Variants in PTPRD observed in about 807,000 individuals in gnomAD.
PTPRD encodes the protein protein tyrosine phosphatase receptor type D.
PTPRD carries 34 observed loss-of-function variants against 214.5 expected under a neutral mutation model. The observed-to-expected ratio is 0.16, with a 90% CI of 0.12 to 0.21. The LOEUF is 0.21. Ranked by LOEUF, PTPRD falls within the 10% of genes least tolerant of loss-of-function variation. PTPRD has a pLI of 1.00. For missense variants in PTPRD, 2,545 were observed against 2,398.7 expected, an observed-to-expected ratio of 1.06 and a Z score of -1.27; for synonymous variants, 1,128 against 845.7, an observed-to-expected ratio of 1.33 and a Z score of -5.79.
At chr9:8,882,764 A>C (rs1587297771) in intron 11 of PTPRD, among the ~76,000 whole-genome samples, 1 of 151,884 alleles carries the variant, frequency 6.6e-6, no homozygotes, top group Admixed American at 6.6e-5. Context: ...GGGTGCCTGC[A>C]GTCTCAACTA....
intron 14 of PTPRD, among the ~76,000 whole-genome samples, chr9:8,549,524 T>G (rs1593415655): frequency 1.3e-5 from 2 of 152,198 alleles, no homozygotes; most frequent in African/African-American, 4.8e-5. Flanking sequence ...CACAGTAACA[T>G]TTTTGCATAT....
chr9:10,132,679 A>G (rs2098904812), intron 3 of PTPRD, among the ~76,000 whole-genome samples: 1 of 152,228 alleles, frequency 6.6e-6, no homozygotes, highest in South Asian at 2.1e-4. Flanking sequence ...AGAACAGAAG[A>G]TAAATGAGTA....
chr9:9,181,159 C>A (rs1184547566), intron 10 of PTPRD, among the ~76,000 whole-genome samples: 1 of 151,872 alleles, frequency 6.6e-6, no homozygotes, highest in Non-Finnish European at 1.5e-5. Flanking sequence ...ACATAGAAAG[C>A]CATTCCTTTT....
chr9:9,072,125 C>G (rs547295325), intron 10 of PTPRD, among the ~76,000 whole-genome samples: 29 of 152,100 alleles, frequency 1.9e-4, no homozygotes, highest in African/African-American at 5.5e-4. Flanking sequence ...ATAGTGTTAC[C>G]AAACTTTAAA....
intron 3 of PTPRD, among the ~76,000 whole-genome samples, chr9:10,263,791 T>C (rs2093860835): frequency 6.6e-6 from 1 of 152,088 alleles, no homozygotes; most frequent in African/African-American, 2.4e-5. Flanking sequence ...GGTGAAAACG[T>C]CCCTAGGGCA....
chr9:9,613,445 C>G (rs999327498), intron 7 of PTPRD, among the ~76,000 whole-genome samples: 1 of 151,830 alleles, frequency 6.6e-6, no homozygotes, highest in Non-Finnish European at 1.5e-5. Context: ...GCATTCTGTT[C>G]TTTTTGCCAT....
intron 11 of PTPRD, among the ~76,000 whole-genome samples, chr9:8,892,416 T>A (rs1000336777): frequency 6.6e-6 from 1 of 152,010 alleles, no homozygotes; most frequent in African/African-American, 2.4e-5. Flanking sequence ...GCCACAAACA[T>A]TTTCCAAGAA....
chr9:10,557,595 T>C (rs1274898436), intron 2 of PTPRD, among the ~76,000 whole-genome samples: 1 of 152,142 alleles, frequency 6.6e-6, no homozygotes, highest in South Asian at 2.1e-4. Flanking sequence ...ACAGTTTCAG[T>C]GCTTCCAAAA....
At chr9:8,994,544 T>C (rs931559820) in intron 11 of PTPRD, among the ~76,000 whole-genome samples, 2 of 152,024 alleles carry the variant, frequency 1.3e-5, no homozygotes, top group Admixed American at 1.3e-4. Context: ...AATAATTAAG[T>C]GGCTAGAAAG....
At chr9:8,877,776 A>G (rs2098407025) in intron 11 of PTPRD, among the ~76,000 whole-genome samples, 1 of 152,210 alleles carries the variant, frequency 6.6e-6, no homozygotes, top group Non-Finnish European at 1.5e-5. Flanking sequence ...TACCAGAGTC[A>G]TGATTTTGTC....
At chr9:10,215,987 A>G (rs2099539370) in intron 3 of PTPRD, among the ~76,000 whole-genome samples, 1 of 152,016 alleles carries the variant, frequency 6.6e-6, no homozygotes, top group Admixed American at 6.6e-5. Flanking sequence ...TAGTGGCAAG[A>G]CTGAGAAACT....
chr9:9,993,840 T>G (rs906054743), intron 4 of PTPRD, among the ~76,000 whole-genome samples: 2 of 152,216 alleles, frequency 1.3e-5, no homozygotes, highest in African/African-American at 2.4e-5. Context: ...ACCAATGAGA[T>G]TTTTAAAAAT....
chr9:8,921,209 C>T (rs1484402992), intron 11 of PTPRD, among the ~76,000 whole-genome samples: 2 of 152,180 alleles, frequency 1.3e-5, no homozygotes, highest in African/African-American at 2.4e-5. Flanking sequence ...GATAGTTGTA[C>T]ATTCAAAGTA....
intron 2 of PTPRD, among the ~76,000 whole-genome samples, chr9:10,442,286 A>C (rs1384581524): frequency 6.6e-6 from 1 of 151,738 alleles, no homozygotes; most frequent in Non-Finnish European, 1.5e-5. Flanking sequence ...ACAAATCTGC[A>C]ATCAAGGAAA....
intron 9 of PTPRD, among the ~76,000 whole-genome samples, chr9:9,237,060 A>G (rs1435113320): frequency 6.6e-6 from 1 of 152,218 alleles, no homozygotes; most frequent in African/African-American, 2.4e-5. Flanking sequence ...CTAAAATGGA[A>G]CTGTATACTC....
At chr9:8,558,560 C>A (rs2084899356) in intron 14 of PTPRD, among the ~76,000 whole-genome samples, 2 of 152,326 alleles carry the variant, frequency 1.3e-5, no homozygotes, top group South Asian at 4.1e-4. Flanking sequence ...AGCCTTTTCA[C>A]ATGTGTCAGA....
chr9:9,395,617 C>A (rs1033335566), intron 9 of PTPRD, among the ~76,000 whole-genome samples: 1 of 152,158 alleles, frequency 6.6e-6, no homozygotes, highest in East Asian at 1.9e-4. Flanking sequence ...TGGCAGATTT[C>A]CTTGCACCAA....
chr9:10,081,576 C>G (rs563600696), intron 3 of PTPRD, among the ~76,000 whole-genome samples: 19 of 152,012 alleles, frequency 1.2e-4, no homozygotes, highest in Non-Finnish European at 2.8e-4. Flanking sequence ...GGGCCCTCAC[C>G]GCAACCTGAC....
chr9:9,516,189 G>T (rs993948023), intron 8 of PTPRD, among the ~76,000 whole-genome samples: 5 of 152,060 alleles, frequency 3.3e-5, no homozygotes, highest in African/African-American at 1.2e-4. Flanking sequence ...AAGGAAAAAA[G>T]AGTACCAAAA....
Sources: allele counts gnomAD v4.1 joint callset (sites outside exome capture counted in the v4.1 genomes callset), GRCh38; gene constraint gnomAD v4.1.1; transcripts MANE v1.5; gene names NCBI Gene and HGNC (gene_info 2026-07-23, HGNC 2026-07-21).